ARL10: variants seen among roughly 807,000 people sequenced by gnomAD.
ARL10 encodes the protein ARF like GTPase 10.
A neutral mutation model predicts 26.1 loss-of-function variants in ARL10; 23 were observed. That is an observed-to-expected ratio of 0.88 (90% CI 0.63 to 1.25). The LOEUF (loss-of-function observed/expected upper bound fraction) is 1.25. Among genes scored for constraint, ARL10 ranks in the 50% most tolerant of loss-of-function variants. The pLI, the probability that ARL10 is intolerant of heterozygous loss-of-function variation, is 0.00. For missense variants in ARL10, 300 were observed against 323.6 expected (o/e 0.93, Z 0.56); for synonymous variants, 138 against 149.1 (o/e 0.93, Z 0.54).
downstream of ARL10, chr5:176,386,078 GA>G (rs35131638): frequency 1.3e-5 from 2 of 152,708 alleles, no homozygotes; most frequent in Non-Finnish European, 2.9e-5. Context: ...TTTGCAAAAT[GA>G]AAAGGTTTTA....
chr5:176,396,269 G>A (rs1312630299), intron 1 of ARL10, among the ~76,000 whole-genome samples: 1 of 152,086 alleles, frequency 6.6e-6, no homozygotes, highest in Non-Finnish European at 1.5e-5. Flanking sequence ...CCTTTATCCT[G>A]CAAGGCTCTG....
downstream of ARL10, chr5:176,389,063 G>A: frequency 6.6e-7 from 1 of 1,514,232 alleles, no homozygotes; most frequent in Admixed American, 1.7e-5. Context: ...AGCGGGGAGC[G>A]GAAGGAGAGC....
Position 176,374,107 on chromosome 5 carries a change from A to T in ARL10, c.*2212A>T, listed in dbSNP as rs961415657. The stretch of plus-strand genomic sequence containing the variant: ...CAGCCTTCAGCCGACGATTGACTGA[A>T]GGTTTGGCTGCTGTGATTGGCTAAA... On this transcript the variant is annotated 3_prime_UTR_variant, in exon 4 of 4. Transcript: ENST00000310389. 6 of 152,200 alleles carry T rather than the reference A, an allele frequency of 3.9e-5. No individual in the cohort carries two copies. Among genetic ancestry groups the T allele is most frequent in the African/African-American group, 1.4e-4 (6 of 41,440 alleles). 9.4% of individuals were successfully genotyped at this position (152,200 alleles called of 1,614,324 possible). A position where few individuals can be genotyped will look rare whatever the true frequency, so the allele number is the denominator to read the frequency against.
the ARL10 span, among the ~76,000 whole-genome samples, chr5:176,408,998 T>TA: frequency 3.9e-5 from 6 of 152,102 alleles, no homozygotes; most frequent in Non-Finnish European, 8.8e-5. Flanking sequence ...TTTTTTGAGA[T>TA]AGAGTTTTGC....
At chr5:176,410,234 T>C in the ARL10 span, 1 of 1,612,208 alleles carries the variant, frequency 6.2e-7, no homozygotes, top group Non-Finnish European at 8.5e-7. Flanking sequence ...TCCTTACCAC[T>C]GCTGAGACAG....
the ARL10 span, among the ~76,000 whole-genome samples, chr5:176,410,508 A>C: frequency 6.6e-6 from 1 of 152,140 alleles, no homozygotes; most frequent in South Asian, 2.1e-4. Flanking sequence ...CCATTAGTAC[A>C]TTTTATGTTC....
At chr5:176,370,494 G>A (rs1179714353) in intron 3 of ARL10, among the ~76,000 whole-genome samples, 2 of 152,114 alleles carry the variant, frequency 1.3e-5, no homozygotes, top group African/African-American at 4.8e-5. Flanking sequence ...GTATGTCTTC[G>A]ACCTCAGATT....
In ARL10 at chr5:176,366,405, C is replaced by G. The variant is rs778398162; in HGVS notation, c.209C>G (p.Pro70Arg). The change falls in exon 2 of 4, where the codon CCG becomes CGG. Residue 70 changes from proline to arginine, a missense_variant. Physicochemically the swap from Pro to Arg is moderately radical, Grantham distance 103 (BLOSUM62 -2). Coordinates refer to ENST00000310389, the MANE Select transcript of ARL10 (RefSeq NM_173664.6). ...CCCGAGGACGAGGAGGACGAGGAGC[C>G]GGCGCTGGAGGAGCTGGAACAGCGC... ...WDPEDEEDEE[P>R]ALEELEQREV... 1 of 1,611,000 alleles carries G rather than the reference C, an allele frequency of 6.2e-7. No homozygotes were observed. Among genetic ancestry groups the G allele is most frequent in the Admixed American group, 1.7e-5 (1 of 59,902 alleles).
At chr5:176,412,003 C>T in the ARL10 span, among the ~76,000 whole-genome samples, 5 of 151,790 alleles carry the variant, frequency 3.3e-5, no homozygotes, top group Non-Finnish European at 7.4e-5. Flanking sequence ...GGTGAAACCC[C>T]GTCTCTACTA....
chr5:176,396,620 G>A, intron 1 of ARL10: 1 of 926,536 alleles, frequency 1.1e-6, no homozygotes, highest in African/African-American at 1.6e-5. Flanking sequence ...GAGAGAGAGA[G>A]AGACAGCATT....
At chr5:176,389,246 T>G, downstream of ARL10, 1 of 1,470,412 alleles carries the variant, frequency 6.8e-7, no homozygotes, top group Non-Finnish European at 9.3e-7. Flanking sequence ...CCAGAGATCT[T>G]GGCTTTGGGG....
At chr5:176,389,836 G>A (rs1226285816), downstream of ARL10, 1 of 199,992 alleles carries the variant, frequency 5.0e-6, no homozygotes, top group Non-Finnish European at 1.0e-5. Context: ...TAGAAATCGT[G>A]TAGTCTAGTG....
chr5:176,394,842 T>C (rs534283208), intron 1 of ARL10, among the ~76,000 whole-genome samples: 120 of 151,080 alleles, frequency 7.9e-4, no homozygotes, highest in African/African-American at 2.8e-3. Context: ...TGAGAAGCCC[T>C]GGTCTATACT....
intron 1 of ARL10, among the ~76,000 whole-genome samples, chr5:176,395,833 G>A (rs1756494768): frequency 6.6e-6 from 1 of 152,040 alleles, no homozygotes; most frequent in Non-Finnish European, 1.5e-5. Context: ...TGTCTGTTTT[G>A]TTGAATAAAA....
rs918501649 is a variant in ARL10 at position 176,368,464 on chromosome 5, A to G, written c.386-343A>G. Among the ~76,000 whole-genome samples the G allele has an allele frequency of 3.3e-5, 5 of 152,126 alleles. No homozygotes were observed. Among genetic ancestry groups the G allele is most frequent in the Non-Finnish European group, 5.9e-5 (4 of 68,028 alleles). ...TGTGTGTCAGTCCCGTGAAAGGTAC[A>G]TCGCACGTGGTACCTGTGGGTTTTA... On this transcript the variant is annotated intron_variant, in intron 2 of 3. Transcript: ENST00000310389. This position sits in a 1 kb window ranked among gnomAD's most constrained non-coding sequence, Gnocchi z 4.1.
chr5:176,385,481 T>C (rs1336934012), downstream of ARL10, among the ~76,000 whole-genome samples: 1 of 152,192 alleles, frequency 6.6e-6, no homozygotes, highest in East Asian at 1.9e-4. Context: ...AAATCCATTG[T>C]TGGAACCTCC....
chr5:176,396,712 G>T (rs1210439918), intron 1 of ARL10, among the ~76,000 whole-genome samples: 1 of 152,012 alleles, frequency 6.6e-6, no homozygotes, highest in African/African-American at 2.4e-5. Flanking sequence ...AGGAGAATGG[G>T]GACCTTCACC....
chr5:176,406,952 T>G, the ARL10 span, among the ~76,000 whole-genome samples: 1 of 152,152 alleles, frequency 6.6e-6, no homozygotes, highest in Non-Finnish European at 1.5e-5. Flanking sequence ...AGCTGGGGCT[T>G]TGCCACTAAG....
chr5:176,394,519 A>T (rs904166642), intron 1 of ARL10, among the ~76,000 whole-genome samples: 8 of 151,668 alleles, frequency 5.3e-5, no homozygotes, highest in Non-Finnish European at 1.2e-4. Context: ...TAAAAATACA[A>T]AAAATTAGCT....
Sources: allele counts gnomAD v4.1 joint callset (sites outside exome capture counted in the v4.1 genomes callset), GRCh38; gene constraint gnomAD v4.1.1; non-coding constraint Gnocchi (gnomAD v3.1); transcripts MANE v1.5; gene names NCBI Gene and HGNC (gene_info 2026-07-23, HGNC 2026-07-21).